The following ABL1 variants were observed in gnomAD, a reference collection of about 807,000 sequenced individuals.
The protein encoded by ABL1 is tyrosine-protein kinase ABL1.
ABL1 carries 11 observed loss-of-function variants against 94.7 expected under a neutral mutation model. The observed-to-expected ratio is 0.12, with a 90% CI of 0.07 to 0.19. ABL1 has a LOEUF of 0.19. ABL1 is among the 10% of genes least tolerant of loss of function. ABL1 has a pLI of 1.00. For missense variants in ABL1, 1,082 were observed against 1,489.4 expected (o/e 0.73, Z 4.50); for synonymous variants, 656 against 622.4 (o/e 1.05, Z -0.80).
chr9:130,859,676 C>CT (rs1564314305), intron 3 of ABL1, among the ~76,000 whole-genome samples: 2 of 96,186 alleles, frequency 2.1e-5, no homozygotes, highest in Non-Finnish European at 4.0e-5. Context: ...TTCTTTCTTT[C>CT]CTTTTTTTTT....
chr9:130,844,257 G>A lies in ABL1; in HGVS notation c.79+8732G>A, dbSNP rs374821671. Among the ~76,000 whole-genome samples the A allele has an allele frequency of 1.1e-3, 173 of 152,270 alleles. 1 individual carries two copies. The highest frequency in any genetic ancestry group is 4.0e-3 in the African/African-American group (167 of 41,564). ...ATGGCCAAAGGGGGACCCAGCCAAG[G>A]GCGTGGTAGAGCATGGAAAGGACAG... On this transcript the variant is annotated intron_variant, in intron 1 of 10. Coordinates refer to ENST00000318560, the MANE Select transcript of ABL1 (RefSeq NM_005157.6).
intron 1 of ABL1, among the ~76,000 whole-genome samples, chr9:130,770,533 CA>C (rs1323044611): frequency 6.6e-6 from 1 of 152,182 alleles, no homozygotes; most frequent in African/African-American, 2.4e-5. Context: ...ATTGACAATA[CA>C]GTCTTCTTCA....
At chr9:130,879,583 TAAA>T (rs1277267192) in intron 8 of ABL1, among the ~76,000 whole-genome samples, 1 of 152,186 alleles carries the variant, frequency 6.6e-6, no homozygotes, top group Non-Finnish European at 1.5e-5. Context: ...ACCAAACTGT[TAAA>T]AAAGGTTGTG....
intron 1 of ABL1, among the ~76,000 whole-genome samples, chr9:130,822,418 G>A (rs1017818310): frequency 6.8e-6 from 1 of 146,350 alleles, no homozygotes; most frequent in Non-Finnish European, 1.5e-5. Context: ...GGTTTTGTCT[G>A]CCTACCTATC....
chr9:130,738,065 C>T (rs532293324), intron 1 of ABL1, among the ~76,000 whole-genome samples: 1 of 151,916 alleles, frequency 6.6e-6, no homozygotes, highest in Non-Finnish European at 1.5e-5. Context: ...CTCCTGACCT[C>T]GTGATCCGCC....
At chr9:130,763,884 T>A (rs1564283594) in intron 1 of ABL1, among the ~76,000 whole-genome samples, 1 of 152,166 alleles carries the variant, frequency 6.6e-6, no homozygotes, top group Non-Finnish European at 1.5e-5. Context: ...TTTTGGAGGC[T>A]TGCCACTCGC....
chr9:130,854,058 T>C lies in ABL1; in HGVS notation c.80-6T>C, dbSNP rs1830933447. 1 of 1,594,632 alleles carries C rather than the reference T, an allele frequency of 6.3e-7. No homozygotes were observed. Among genetic ancestry groups the C allele is most frequent in the African/African-American group, 1.4e-5 (1 of 74,034 alleles). ...TCTTTTTTCTGTTCCCCCCTTTCTC[T>C]TCCAGAAGCCCTTCAGCGGCCAGTA... On this transcript the variant is annotated splice_polypyrimidine_tract_variant and splice_region_variant and intron_variant, in intron 1 of 10. Coordinates refer to ENST00000318560, the MANE Select transcript of ABL1 (RefSeq NM_005157.6).
chr9:130,756,831 C>T (rs1184395960), intron 1 of ABL1, among the ~76,000 whole-genome samples: 1 of 152,100 alleles, frequency 6.6e-6, no homozygotes, highest in Non-Finnish European at 1.5e-5. Context: ...GAATGTATGT[C>T]TGAGGGTGTT....
Position 130,827,756 on chromosome 9 carries a change from A to G in ABL1, c.137-26308A>G, listed in dbSNP as rs549416208. ...CTAAAAATACAAAAATTAACTGAAC[A>G]TGGTGGCAGGCACCTGTAATCCCAG... On this transcript the variant is annotated intron_variant, in intron 1 of 10. Transcript: ENST00000372348. Among the ~76,000 whole-genome samples the G allele has an allele frequency of 2.0e-3, 307 of 151,934 alleles. 3 individuals carry two copies. The highest frequency in any genetic ancestry group is 6.8e-3 in the African/African-American group (281 of 41,468).
rs188823991 is a variant in ABL1 at position 130,870,530 on chromosome 9, G to A, written c.823-1599G>A. ...TATACGTGAGCAGCATTGAATCCCC[G>A]GATACTGGCAGGCGTTCACTGTCCA... On this transcript the variant is annotated intron_variant, in intron 4 of 10. Coordinates refer to ENST00000318560, the MANE Select transcript of ABL1 (RefSeq NM_005157.6). 4.5e-4 allele frequency among the ~76,000 whole-genome samples: 68 copies of A among 152,272 alleles called. 1 individual carries two copies. The highest frequency in any genetic ancestry group is 3.3e-3 in the Admixed American group (50 of 15,280).
At chr9:130,874,743 C>A in intron 6 of ABL1, 125 bp from the exon 7 acceptor site, 1 of 1,051,500 alleles carries the variant, frequency 9.5e-7, no homozygotes, top group Non-Finnish European at 1.4e-6. Context: ...GGCATTAATA[C>A]AAACTTCCAG....
intron 1 of ABL1, chr9:130,725,090 C>A: frequency 4.8e-6 from 1 of 206,432 alleles, no homozygotes; most frequent in South Asian, 7.9e-5. Flanking sequence ...GTAAAATATA[C>A]AGAAAAGTTA....
intron 1 of ABL1, among the ~76,000 whole-genome samples, chr9:130,769,609 G>C (rs1050778659): frequency 6.6e-6 from 1 of 151,934 alleles, no homozygotes; most frequent in Non-Finnish European, 1.5e-5. Context: ...AAGGTGCTGG[G>C]ATTACAGGTG....
At chr9:130,867,738 G>C (rs1225465786) in intron 4 of ABL1, among the ~76,000 whole-genome samples, 2 of 152,234 alleles carry the variant, frequency 1.3e-5, no homozygotes, top group Non-Finnish European at 2.9e-5. Context: ...CGCACAAGGA[G>C]GGCTCGGAGC....
At chr9:130,813,840 T>G (rs1830246025) in intron 1 of ABL1, among the ~76,000 whole-genome samples, 1 of 152,182 alleles carries the variant, frequency 6.6e-6, no homozygotes, top group Non-Finnish European at 1.5e-5. Context: ...CTTACATTTT[T>G]CAATTTTATG....
At chr9:130,746,072 C>G (rs1831883804) in intron 1 of ABL1, among the ~76,000 whole-genome samples, 1 of 152,142 alleles carries the variant, frequency 6.6e-6, no homozygotes, top group South Asian at 2.1e-4. Flanking sequence ...TATCTGAATT[C>G]AAATCTCAGC....
chr9:130,876,411 C>CTTTTTTTTT lies in ABL1; in HGVS notation c.1270+1363_1270+1371dup, dbSNP rs60634610. ...TTTTTAAAATAACAAATTACTTTTTCTTTTTTTTTTTTGGAGCCAGAGTCT... is the reference window on the plus strand; with the variant it reads ...TTTTTAAAATAACAAATTACTTTTTCTTTTTTTTTTTTTTTTTTTTTGGAGCCAGAGTCT... On this transcript the variant is annotated intron_variant, in intron 7 of 10. Coordinates refer to ENST00000318560, the MANE Select transcript of ABL1 (RefSeq NM_005157.6). Among the ~76,000 whole-genome samples, 28 of 142,518 alleles carry CTTTTTTTTT rather than the reference C, an allele frequency of 2.0e-4. 1 individual carries two copies. Among genetic ancestry groups the CTTTTTTTTT allele is most frequent in the African/African-American group, 7.3e-4 (28 of 38,114 alleles). The allele number at this position is 142,518 out of a possible 152,430, so 93.5% of individuals were successfully genotyped here.
intron 1 of ABL1, among the ~76,000 whole-genome samples, chr9:130,838,336 C>T (rs1830619501): frequency 6.6e-6 from 1 of 152,178 alleles, no homozygotes; most frequent in Non-Finnish European, 1.5e-5. Context: ...TCCAATTAAT[C>T]CCTGAAATGT....
At chr9:130,749,515 G>A (rs974655592) in intron 1 of ABL1, among the ~76,000 whole-genome samples, 11 of 152,196 alleles carry the variant, frequency 7.2e-5, no homozygotes, top group African/African-American at 2.7e-4. Context: ...GTTGTCAGTC[G>A]TACGGGCTTT....
Sources: allele counts gnomAD v4.1 joint callset (sites outside exome capture counted in the v4.1 genomes callset), GRCh38; gene constraint gnomAD v4.1.1; transcripts MANE v1.5; gene names NCBI Gene and HGNC (gene_info 2026-07-23, HGNC 2026-07-21).